TPRG1: variants seen among roughly 807,000 people sequenced by gnomAD.
TPRG1 encodes the protein tumor protein p63-regulated gene 1 protein.
TPRG1 carries 29 observed loss-of-function variants against 29.3 expected under a neutral mutation model. The ratio of observed to expected loss-of-function variants is 0.99; its 90% CI spans 0.74 to 1.35. The LOEUF is 1.35. Among genes scored for constraint, TPRG1 ranks in the 40% most tolerant of loss-of-function variants. The pLI is 0.00. For synonymous variants in TPRG1, 130 were observed against 116.8 expected (o/e 1.11, Z -0.73); for missense variants, 327 against 335.0 (o/e 0.98, Z 0.19).
chr3:189,057,748 A>G (rs1578258589), intron 4 of TPRG1, among the ~76,000 whole-genome samples: 2 of 146,978 alleles, frequency 1.4e-5, no homozygotes, highest in Admixed American at 6.8e-5. Flanking sequence ...GTATATATAT[A>G]CATATATATA....
chr3:189,124,540 T>TTG (rs139080058), intron 1 of TPRG1, among the ~76,000 whole-genome samples: 139 of 150,066 alleles, frequency 9.3e-4, no homozygotes, highest in Non-Finnish European at 8.6e-4. Context: ...ACAAAGGACT[T>TTG]TGTGTGTGTG....
intron 5 of TPRG1, among the ~76,000 whole-genome samples, chr3:189,314,932 C>A (rs932562697): frequency 2.6e-5 from 4 of 151,950 alleles, no homozygotes; most frequent in African/African-American, 9.7e-5. Flanking sequence ...CCAGCCTAGG[C>A]AACAGAGTAA....
chr3:189,290,893 T>C (rs1460119404), intron 4 of TPRG1, among the ~76,000 whole-genome samples: 1 of 152,128 alleles, frequency 6.6e-6, no homozygotes, highest in African/African-American at 2.4e-5. Flanking sequence ...AAATCTTTAG[T>C]GGCCCATTTC....
intron 1 of TPRG1, among the ~76,000 whole-genome samples, chr3:189,106,882 G>A (rs1274592704): frequency 2.6e-5 from 4 of 152,034 alleles, no homozygotes; most frequent in Non-Finnish European, 5.9e-5. Flanking sequence ...CTGGTGATGT[G>A]TGAAGCTGCA....
At chr3:189,204,694 G>C (rs537129992) in intron 1 of TPRG1, among the ~76,000 whole-genome samples, 1 of 152,156 alleles carries the variant, frequency 6.6e-6, no homozygotes, top group Non-Finnish European at 1.5e-5. Context: ...GGAGCCTTTC[G>C]CAGATGTCTG....
At chr3:189,193,183 T>A (rs1731986280) in intron 1 of TPRG1, among the ~76,000 whole-genome samples, 1 of 142,782 alleles carries the variant, frequency 7.0e-6, no homozygotes, top group East Asian at 2.3e-4. Flanking sequence ...TCACTCAGAT[T>A]GGAGTGCAGT....
In TPRG1 at chr3:189,233,590, C is replaced by T. The variant is rs78295558; in HGVS notation, c.303-5143C>T. On this transcript the variant is annotated intron_variant, in intron 3 of 5. Transcript: ENST00000345063. ...ACTGGAAGAGATGCACAGACTCCTT[C>T]GCCAGGGAAGACGGGCTCTCACAAC... Among the ~76,000 whole-genome samples the T allele has an allele frequency of 5.7e-3, 868 of 152,268 alleles. 12 individuals are homozygous for T. Among genetic ancestry groups the T allele is most frequent in the African/African-American group, 0.02 (845 of 41,550 alleles).
upstream of TPRG1, among the ~76,000 whole-genome samples, chr3:189,095,812 T>C (rs1718636176): frequency 6.6e-6 from 1 of 152,222 alleles, no homozygotes; most frequent in African/African-American, 2.4e-5. Flanking sequence ...CTTTCCCTTA[T>C]TCATTCTTCA....
intron 3 of TPRG1, among the ~76,000 whole-genome samples, chr3:189,022,491 G>A (rs529522526): frequency 2.0e-5 from 3 of 151,358 alleles, no homozygotes; most frequent in Non-Finnish European, 2.9e-5. Context: ...GTACCCTGCA[G>A]TGTGAGGTGT....
intron 4 of TPRG1, among the ~76,000 whole-genome samples, chr3:189,055,014 A>T (rs573154112): frequency 3.3e-5 from 5 of 152,330 alleles, no homozygotes; most frequent in African/African-American, 1.2e-4. Flanking sequence ...GTGCATTAAA[A>T]TGAGGTATGT....
At chr3:189,039,760 G>T (rs1714510537) in intron 4 of TPRG1, among the ~76,000 whole-genome samples, 1 of 152,080 alleles carries the variant, frequency 6.6e-6, no homozygotes, top group Admixed American at 6.6e-5. Context: ...TTTACTGAAA[G>T]CCAGAAAAAT....
chr3:189,208,454 A>C (rs1734751109), intron 2 of TPRG1, among the ~76,000 whole-genome samples: 1 of 152,162 alleles, frequency 6.6e-6, no homozygotes, highest in Non-Finnish European at 1.5e-5. Flanking sequence ...CATTCTCATA[A>C]AAAATTGGGG....
intron 4 of TPRG1, among the ~76,000 whole-genome samples, chr3:189,264,047 A>G (rs1184651746): frequency 6.6e-6 from 1 of 152,194 alleles, no homozygotes; most frequent in Non-Finnish European, 1.5e-5. Context: ...TAGAAATGCC[A>G]TATGAAGTCT....
chr3:189,099,894 C>T (rs1364729563), upstream of TPRG1, among the ~76,000 whole-genome samples: 1 of 152,152 alleles, frequency 6.6e-6, no homozygotes, highest in South Asian at 2.1e-4. Context: ...CTCAGTGGCT[C>T]CCAAAGGAGA....
At chr3:189,033,026 A>T (rs1400305382) in intron 4 of TPRG1, among the ~76,000 whole-genome samples, 8 of 152,126 alleles carry the variant, frequency 5.3e-5, no homozygotes, top group Non-Finnish European at 1.2e-4. Context: ...CGATTCAGAC[A>T]GCTGGATAGA....
chr3:189,072,232 T>C (rs1190825800), intron 4 of TPRG1, among the ~76,000 whole-genome samples: 1 of 152,184 alleles, frequency 6.6e-6, no homozygotes, highest in Non-Finnish European at 1.5e-5. Context: ...GACCTACAGA[T>C]CATATTCCAG....
At chr3:189,161,471 T>TA (rs1398052733) in intron 5 of TPRG1, among the ~76,000 whole-genome samples, 11 of 103,906 alleles carry the variant, frequency 1.1e-4, no homozygotes, top group Non-Finnish European at 1.2e-4. Flanking sequence ...GTTCTTTTTT[T>TA]TTATTATTAT....
intron 1 of TPRG1, among the ~76,000 whole-genome samples, chr3:189,197,402 A>T (rs1458763967): frequency 6.6e-6 from 1 of 151,684 alleles, no homozygotes; most frequent in East Asian, 1.9e-4. Flanking sequence ...TCTCTTTTGT[A>T]TGTGTGTTTG....
intron 4 of TPRG1, among the ~76,000 whole-genome samples, chr3:189,286,544 T>C (rs1718090722): frequency 6.6e-6 from 1 of 152,070 alleles, no homozygotes; most frequent in South Asian, 2.1e-4. Context: ...CAGATATCTC[T>C]CTCAAGCAGG....
Sources: allele counts gnomAD v4.1 joint callset (sites outside exome capture counted in the v4.1 genomes callset), GRCh38; gene constraint gnomAD v4.1.1; transcripts MANE v1.5; gene names NCBI Gene and HGNC (gene_info 2026-07-23, HGNC 2026-07-21).